Variants in COL18A1 observed in about 807,000 individuals in gnomAD.
COL18A1 encodes collagen type XVIII alpha 1 chain, also known as collagen alpha-1(XVIII) chain.
In COL18A1, 133 loss-of-function variants were observed where a neutral mutation model predicts 168.0. That is an observed-to-expected ratio of 0.79 (90% CI 0.69 to 0.91). The LOEUF (loss-of-function observed/expected upper bound fraction) is 0.91, where lower values mean the gene tolerates loss of function less well. Among genes scored for constraint, COL18A1 ranks in the 40% least tolerant of loss-of-function variants. COL18A1 has a pLI of 0.00. For synonymous variants in COL18A1, 949 were observed against 809.0 expected (o/e 1.17, Z -2.94); for missense variants, 2,126 against 1,925.4 (o/e 1.10, Z -1.95).
chr21:45,511,144 T>C lies in COL18A1; in HGVS notation c.3727T>C (p.Phe1243Leu). Residue 1243 changes from phenylalanine (F) to leucine (L), a missense_variant, in exon 41 of 42, where the codon TTC becomes CTC. Physicochemically the swap from Phe to Leu is conservative, Grantham distance 22. Coordinates refer to ENST00000651438, the MANE Select transcript of COL18A1 (RefSeq NM_001379500.1). ...GCTGTTTCCCAGCTGGGAGGCTCTGTTCTCAGGCTCTGAGGGTCCGCTGAA... is the reference window on the plus strand; with the variant it reads ...GCTGTTTCCCAGCTGGGAGGCTCTGCTCTCAGGCTCTGAGGGTCCGCTGAA... ...ELLFPSWEAL[F>L]SGSEGPLKPG... 1 of 1,596,422 alleles carries C rather than the reference T, an allele frequency of 6.3e-7. No individual in the cohort carries two copies. Among genetic ancestry groups the C allele is most frequent in the Non-Finnish European group, 8.5e-7 (1 of 1,171,426 alleles).
chr21:45,504,345 G>T (rs547167705), intron 33 of COL18A1, 71 bp from the exon 34 acceptor site: 4 of 1,501,518 alleles, frequency 2.7e-6, no homozygotes, highest in Non-Finnish European at 3.6e-6. Context: ...GCCCTGGCTC[G>T]GGGGGATGGG....
rs1365684964 is a variant in COL18A1, at chr21:45,511,171, C to A, written c.3754C>A (p.Pro1252Thr). The change falls in exon 41 of 42, where the codon CCC becomes ACC. Residue 1252 changes from proline to threonine, a missense_variant. Transcript: ENST00000651438. Reference protein sequence around the residue: ...LFSGSEGPLKPGARIFSFDGK... With the variant: ...LFSGSEGPLKTGARIFSFDGK... ...CTCAGGCTCTGAGGGTCCGCTGAAG[C>A]CCGGGGCACGCATCTTCTCCTTTGA... The A allele has an allele frequency of 1.3e-5, 21 of 1,601,874 alleles. No individual in the cohort carries two copies. The highest frequency in any genetic ancestry group is 1.6e-5 in the Non-Finnish European group (19 of 1,174,278).
At chr21:45,505,797 C>CA in intron 36 of COL18A1, 41 bp from the exon 37 acceptor site, 5 of 1,489,514 alleles carry the variant, frequency 3.4e-6, no homozygotes, top group Non-Finnish European at 4.6e-6. Flanking sequence ...GCCCCCCGCC[C>CA]TCCCCGCCAA....
At chr21:45,467,033 G>A (rs2035236270) in intron 2 of COL18A1, among the ~76,000 whole-genome samples, 1 of 152,250 alleles carries the variant, frequency 6.6e-6, no homozygotes, top group African/African-American at 2.4e-5. Flanking sequence ...GCCTCTGTCT[G>A]AGGGGGATGT....
chr21:45,487,446 G>A lies in COL18A1; in HGVS notation c.1834-1G>A, dbSNP rs776147216. On this transcript the variant is annotated splice_acceptor_variant, in intron 16 of 41. Transcript: ENST00000651438. LOFTEE classifies it high-confidence loss of function. ...CTACGTGTCTCGTGTGTCTCTTCCAGGATGACATGGAAGGCTCCGGGGGGC... is the reference window on the plus strand; with the variant it reads ...CTACGTGTCTCGTGTGTCTCTTCCAAGATGACATGGAAGGCTCCGGGGGGC... 6 of 1,612,898 alleles carry A rather than the reference G, an allele frequency of 3.7e-6. No individual in the cohort carries two copies. Among genetic ancestry groups the A allele is most frequent in the Non-Finnish European group, 5.1e-6 (6 of 1,179,962 alleles).
At chr21:45,413,869 G>A (rs896567377) in intron 2 of COL18A1, among the ~76,000 whole-genome samples, 5 of 152,212 alleles carry the variant, frequency 3.3e-5, no homozygotes, top group Admixed American at 1.3e-4. Flanking sequence ...GGATTGGAGG[G>A]GTGCTGAGGG....
rs1453477470 is a variant in COL18A1, at chr21:45,473,171, C to T, written c.652-724C>T. 2.6e-5 allele frequency among the ~76,000 whole-genome samples: 4 copies of T among 152,238 alleles called. No individual in the cohort carries two copies. The highest frequency in any genetic ancestry group is 1.3e-4 in the Admixed American group (2 of 15,292). ...TACCCGCTTGAGGCTTAGGACGTTG[C>T]GCCCTCCTGTGTCCTTGCCCAGCAT... On this transcript the variant is annotated intron_variant, in intron 3 of 41. Transcript: ENST00000651438. The surrounding 1 kb of genome is among the most constrained non-coding windows in gnomAD (Gnocchi z 4.0).
At chr21:45,474,293 T>TTGTGTGGTGTGTCTCTGTGTCTTGTG (rs1555859159) in intron 4 of COL18A1, among the ~76,000 whole-genome samples, 1,523 of 149,488 alleles carry the variant, frequency 0.01, 24 homozygotes, top group African/African-American at 0.037. Flanking sequence ...TCTCTGTGTC[T>TTGTGTGGTGTGTCTCTGTGTCTTGTG]TGTGTGGTGT....
chr21:45,480,863 G>C lies in COL18A1; in HGVS notation c.1611+5G>C, dbSNP rs372854255. 7 of 1,609,656 alleles carry C rather than the reference G, an allele frequency of 4.3e-6. No homozygotes were observed. The East Asian group carries it at 1.3e-4, about 31-fold the overall frequency. ...CCCGGGTTTCCTGGCCTCCCGGTAAGTCCTGCCTCCACCGTCAGTGTCGGG... is the reference window on the plus strand; with the variant it reads ...CCCGGGTTTCCTGGCCTCCCGGTAACTCCTGCCTCCACCGTCAGTGTCGGG... On this transcript the variant is annotated splice_donor_5th_base_variant and intron_variant, in intron 13 of 41. Transcript: ENST00000651438.
intron 25 of COL18A1, 25 bp from the exon 26 acceptor site, chr21:45,493,474 ACT>A (rs1568925418): frequency 1.3e-6 from 2 of 1,544,892 alleles, no homozygotes; most frequent in Admixed American, 2.0e-5. Flanking sequence ...GCTGGCCCTG[ACT>A]CTGCTGGACC....
At chr21:45,510,518 G>A (rs1241926358) in intron 40 of COL18A1, among the ~76,000 whole-genome samples, 2 of 128,312 alleles carry the variant, frequency 1.6e-5, no homozygotes, top group Non-Finnish European at 3.5e-5. Context: ...CTGACCCCCC[G>A]CTCCCCCGGC....
chr21:45,428,595 G>A (rs578050900), intron 2 of COL18A1, among the ~76,000 whole-genome samples: 19 of 152,252 alleles, frequency 1.2e-4, no homozygotes, highest in African/African-American at 3.6e-4. Flanking sequence ...TTCACACGCC[G>A]GAGAGAGGGA....
intron 32 of COL18A1, among the ~76,000 whole-genome samples, chr21:45,502,035 C>T: frequency 1.2e-5 from 1 of 83,854 alleles, no homozygotes; most frequent in African/African-American, 5.1e-5. Flanking sequence ...GAAGGACCCT[C>T]AGGGGCCTCC....
At chr21:45,420,646 C>T (rs1220261759) in intron 2 of COL18A1, 1 of 152,308 alleles carries the variant, frequency 6.6e-6, no homozygotes, top group Admixed American at 6.5e-5. Context: ...GGCATTTTTT[C>T]CTGGGCCTGT....
intron 2 of COL18A1, among the ~76,000 whole-genome samples, chr21:45,466,046 C>T (rs995724685): frequency 3.9e-5 from 6 of 152,102 alleles, no homozygotes; most frequent in Admixed American, 1.3e-4. Context: ...ACAGGAGACC[C>T]CCAGTCAGGC....
In COL18A1 at chr21:45,478,346, G is replaced by T; in HGVS notation, c.1241G>T (p.Gly414Val). Residue 414 changes from glycine to valine, a missense_variant, in exon 9 of 42, where the codon GGA becomes GTA. Coordinates refer to ENST00000651438, the MANE Select transcript of COL18A1 (RefSeq NM_001379500.1). Reference protein sequence around the residue: ...DGEPGDPGEDGKPGDTGPQGF... With the variant: ...DGEPGDPGEDVKPGDTGPQGF... ...ACCCAGGGCGACCCCGGTGAAGACG[G>T]AAAGCCGGTGAGTCTGCTTTTCTTT... The T allele has an allele frequency of 6.2e-7, 1 of 1,614,130 alleles. No individual in the cohort carries two copies. Among genetic ancestry groups the T allele is most frequent in the Non-Finnish European group, 8.5e-7 (1 of 1,180,016 alleles).
At chr21:45,483,486 CCTT>C (rs1008558054) in intron 15 of COL18A1, among the ~76,000 whole-genome samples, 1 of 152,096 alleles carries the variant, frequency 6.6e-6, no homozygotes, top group African/African-American at 2.4e-5. Flanking sequence ...CCCACTTCCT[CCTT>C]CTGTTCTGCG....
At chr21:45,510,382 G>A (rs906241381) in intron 40 of COL18A1, 121 bp downstream of exon 40, 239 of 1,153,738 alleles carry the variant, frequency 2.1e-4, no homozygotes, top group Non-Finnish European at 2.7e-4. Flanking sequence ...AGACACTGGC[G>A]CCTAGGCTGG....
chr21:45,489,220 C>T (rs576559777), intron 18 of COL18A1, among the ~76,000 whole-genome samples: 3 of 152,330 alleles, frequency 2.0e-5, no homozygotes, highest in African/African-American at 4.8e-5. Context: ...GCCGTCTCAG[C>T]GGGGTTCCTC....
Sources: gnomAD v4.1 joint callset for allele counts (sites outside exome capture counted in the v4.1 genomes callset) on GRCh38, gnomAD v4.1.1 for gene constraint, Gnocchi (gnomAD v3.1) non-coding constraint, MANE v1.5 for transcripts, NCBI Gene and HGNC (gene_info 2026-07-23, HGNC 2026-07-21) for gene names.